Variants in HOOK3 observed in about 807,000 individuals in gnomAD.
HOOK3 encodes hook microtubule tethering protein 3, also known as protein Hook homolog 3.
HOOK3 carries 24 observed loss-of-function variants against 116.3 expected under a neutral mutation model. That is an observed-to-expected ratio of 0.21 (90% CI 0.15 to 0.29). The LOEUF (loss-of-function observed/expected upper bound fraction) is 0.29, where lower values mean the gene tolerates loss of function less well. Among genes scored for constraint, HOOK3 ranks in the 10% least tolerant of loss-of-function variants. The pLI is 1.00. For missense variants in HOOK3, 632 were observed against 830.2 expected (o/e 0.76, Z 2.93); for synonymous variants, 275 against 283.0 (o/e 0.97, Z 0.28).
chr8:42,963,929 C>T (rs983977861), intron 8 of HOOK3, among the ~76,000 whole-genome samples: 7 of 152,236 alleles, frequency 4.6e-5, no homozygotes, highest in African/African-American at 1.7e-4. Context: ...CTTTAATGGC[C>T]GGGCGCAGTG....
chr8:42,909,172 T>G (rs1081886), intron 2 of HOOK3, among the ~76,000 whole-genome samples: 18,834 of 152,208 alleles, frequency 0.12, 2,030 homozygotes, highest in African/African-American at 0.27. Flanking sequence ...GGTGAAGATG[T>G]GGAGCAGAGG....
rs1016446667 is a variant in HOOK3 at position 43,027,479 on chromosome 8, C to T, written c.*8981C>T. Reference sequence around the variant, plus strand: ...AAACGTTTCTCTTCTACCTTACCCCCTGTTCTACTGACGTGCTTTGCATGA... The same window carrying T: ...AAACGTTTCTCTTCTACCTTACCCCTTGTTCTACTGACGTGCTTTGCATGA... On this transcript the variant is annotated 3_prime_UTR_variant, in exon 22 of 22. Coordinates refer to ENST00000307602, the MANE Select transcript of HOOK3 (RefSeq NM_032410.4). 2.2e-6 allele frequency: 1 copy of T among 464,684 alleles called. No homozygotes were observed. The highest frequency in any genetic ancestry group is 2.7e-5 in the Admixed American group (1 of 37,288). 28.8% of individuals were successfully genotyped at this position (464,684 alleles called of 1,614,324 possible).
At chr8:42,970,974 T>C (rs1345133827) in intron 11 of HOOK3, among the ~76,000 whole-genome samples, 1 of 151,842 alleles carries the variant, frequency 6.6e-6, no homozygotes, top group East Asian at 1.9e-4. Flanking sequence ...TTTTGTAGAA[T>C]TGGGGTTTCT....
chr8:42,915,684 G>A (rs970571694), intron 2 of HOOK3, among the ~76,000 whole-genome samples: 7 of 152,032 alleles, frequency 4.6e-5, no homozygotes, highest in African/African-American at 1.7e-4. Flanking sequence ...CGCCTGTCTC[G>A]GCTTCTCAAA....
At chr8:42,976,352 A>C (rs915875071) in intron 13 of HOOK3, among the ~76,000 whole-genome samples, 9 of 152,170 alleles carry the variant, frequency 5.9e-5, no homozygotes, top group African/African-American at 2.2e-4. Flanking sequence ...AACAAAAAAA[A>C]TTTAAAAATT....
intron 13 of HOOK3, among the ~76,000 whole-genome samples, chr8:42,980,825 A>G (rs1808925243): frequency 6.6e-6 from 1 of 151,984 alleles, no homozygotes; most frequent in Non-Finnish European, 1.5e-5. Context: ...AGGAGGTTGC[A>G]GTGAGCCGAG....
chr8:42,976,066 A>G (rs972344321), intron 13 of HOOK3, among the ~76,000 whole-genome samples: 2 of 142,572 alleles, frequency 1.4e-5, no homozygotes, highest in Admixed American at 6.8e-5. Flanking sequence ...GTGTGTGTAT[A>G]TATATGTATA....
intron 16 of HOOK3, 105 bp downstream of exon 16, chr8:42,997,742 T>A: frequency 1.4e-6 from 1 of 722,218 alleles, no homozygotes; most frequent in Non-Finnish European, 2.5e-6. Context: ...TAGTATTATA[T>A]TGGTTATAGA....
intron 15 of HOOK3, among the ~76,000 whole-genome samples, chr8:42,992,294 G>A (rs978969790): frequency 6.6e-6 from 1 of 150,396 alleles, no homozygotes; most frequent in Non-Finnish European, 1.5e-5. Flanking sequence ...CAACTACTCA[G>A]GAGGCTGAGG....
At position 42,897,165 on chromosome 8, in the gene HOOK3, C is replaced by T. The variant is rs769975228; in HGVS notation, c.34C>T (p.Leu12=). The change falls in exon 1 of 22, where the codon CTG becomes TTG. Residue 12 remains leucine (L), a synonymous_variant. Coordinates refer to ENST00000307602, the MANE Select transcript of HOOK3 (RefSeq NM_032410.4). ...CGTAGAGTCGCTGGAGCGGGCGGAGCTGTGCGAGAGCCTCCTCACTTGGGT... is the reference window on the plus strand; with the variant it reads ...CGTAGAGTCGCTGGAGCGGGCGGAGTTGTGCGAGAGCCTCCTCACTTGGGT... ...FSVESLERAE[L]CESLLTWIQT... 1.4e-5 allele frequency: 18 copies of T among 1,249,042 alleles called. No individual in the cohort carries two copies. The highest frequency in any genetic ancestry group is 1.7e-5 in the Non-Finnish European group (17 of 991,640). 77.4% of individuals were successfully genotyped at this position (1,249,042 alleles called of 1,614,324 possible).
intron 2 of HOOK3, among the ~76,000 whole-genome samples, chr8:42,907,816 C>CAAAAAAAAAAAAAAAA (rs71550426): frequency 4.3e-5 from 2 of 46,194 alleles, no homozygotes; most frequent in African/African-American, 6.5e-5. Flanking sequence ...AGCAACGAGG[C>CAAAAAAAAAAAAAAAA]AAAAAAAAAA....
intron 11 of HOOK3, among the ~76,000 whole-genome samples, chr8:42,971,768 C>T (rs1808732332): frequency 1.3e-5 from 2 of 151,970 alleles, no homozygotes; most frequent in African/African-American, 2.4e-5. Context: ...GCAACCTCCA[C>T]CTCCCGGGTT....
In HOOK3 at chr8:43,018,626, A is replaced by C; in HGVS notation, c.*128A>C. 55 of 935,626 alleles carry C rather than the reference A, an allele frequency of 5.9e-5. No homozygotes were observed. Among genetic ancestry groups the C allele is most frequent in the Non-Finnish European group, 7.3e-5 (49 of 669,980 alleles). The allele number at this position is 935,626 out of a possible 1,614,324, so 58.0% of individuals were successfully genotyped here. ...TCTATGTCAATACTTAGTGTTTCTCATTTTGAGGACTTTTTCTCTCTCCTG... is the reference window on the plus strand; with the variant it reads ...TCTATGTCAATACTTAGTGTTTCTCCTTTTGAGGACTTTTTCTCTCTCCTG... On this transcript the variant is annotated 3_prime_UTR_variant, in exon 22 of 22. Coordinates refer to ENST00000307602, the MANE Select transcript of HOOK3 (RefSeq NM_032410.4).
At chr8:42,997,514 C>T (rs2130467961) in intron 15 of HOOK3, 36 bp from the exon 16 acceptor site, 1 of 1,355,210 alleles carries the variant, frequency 7.4e-7, no homozygotes, top group Non-Finnish European at 1.0e-6. Context: ...ATACGTAACT[C>T]ACCACTTGGA....
chr8:42,935,565 G>C (rs1379871915), intron 4 of HOOK3, among the ~76,000 whole-genome samples: 1 of 152,122 alleles, frequency 6.6e-6, no homozygotes, highest in Non-Finnish European at 1.5e-5. Context: ...GTTAATTTTT[G>C]TATAAGGTGT....
intron 2 of HOOK3, among the ~76,000 whole-genome samples, chr8:42,924,108 C>T (rs535280261): frequency 1.7e-4 from 26 of 151,718 alleles, no homozygotes; most frequent in Non-Finnish European, 3.5e-4. Context: ...CTTAACCTTT[C>T]AGTCTCATTG....
intron 14 of HOOK3, among the ~76,000 whole-genome samples, chr8:42,985,593 A>C (rs772870355): frequency 6.6e-6 from 1 of 152,122 alleles, no homozygotes; most frequent in Non-Finnish European, 1.5e-5. Context: ...TTTCCGTACA[A>C]TGTATGTGTT....
chr8:42,925,353 C>T (rs1807743745), intron 2 of HOOK3, among the ~76,000 whole-genome samples: 1 of 152,154 alleles, frequency 6.6e-6, no homozygotes, highest in South Asian at 2.1e-4. Context: ...CCCACCTCAG[C>T]CTCCCAAAGT....
At position 43,029,293 on chromosome 8, in the gene HOOK3, G is replaced by C. The variant is rs1429620880; in HGVS notation, c.*10795G>C. On this transcript the variant is annotated 3_prime_UTR_variant, in exon 22 of 22. Coordinates refer to ENST00000307602, the MANE Select transcript of HOOK3 (RefSeq NM_032410.4). ...GCCTCCCAAGTAACTGGGACTGCAG[G>C]CACATGCCACCACATCCAGCTAATT... 1 of 165,466 alleles carries C rather than the reference G, an allele frequency of 6.0e-6. No homozygotes were observed. Among genetic ancestry groups the C allele is most frequent in the Admixed American group, 6.4e-5 (1 of 15,508 alleles). 10.2% of individuals were successfully genotyped at this position (165,466 alleles called of 1,614,324 possible).
Sources: gnomAD v4.1 joint callset for allele counts (sites outside exome capture counted in the v4.1 genomes callset) on GRCh38, gnomAD v4.1.1 for gene constraint, MANE v1.5 for transcripts, NCBI Gene and HGNC (gene_info 2026-07-23, HGNC 2026-07-21) for gene names.